Variants in FAM186A observed in about 807,000 individuals in gnomAD.
FAM186A encodes family with sequence similarity 186 member A, also known as protein FAM186A.
In FAM186A, 163 loss-of-function variants were observed where a neutral mutation model predicts 216.8. The observed-to-expected ratio is 0.75, with a 90% CI of 0.66 to 0.86. The LOEUF (loss-of-function observed/expected upper bound fraction) is 0.86, where lower values mean the gene tolerates loss of function less well. FAM186A is among the 40% of genes least tolerant of loss of function. The pLI is 0.00. For synonymous variants in FAM186A, 805 were observed against 1,025.3 expected (o/e 0.79, Z 4.10); for missense variants, 2,184 against 2,746.2 (o/e 0.80, Z 4.58).
chr12:50,341,883 A>C (rs879295977), intron 4 of FAM186A, among the ~76,000 whole-genome samples: 4 of 152,068 alleles, frequency 2.6e-5, no homozygotes, highest in Non-Finnish European at 5.9e-5. Context: ...CTCCCTTCAA[A>C]AAGTACTAAG....
In FAM186A at chr12:50,379,225, G is replaced by A. The variant is rs1943230044; in HGVS notation, c.193-15861C>T. Among the ~76,000 whole-genome samples, 3 of 152,120 alleles carry A rather than the reference G, an allele frequency of 2.0e-5. No homozygotes were observed. The South Asian group carries it at 6.2e-4, about 32-fold the overall frequency. ...GGAGGCCGAGGTGGGTGGATCATAA[G>A]GTCAGGAGATCGAGACCCTCCTACC... is the stretch of plus-strand genomic sequence containing the variant. On this transcript the variant is annotated intron_variant, in intron 1 of 7. Transcript: ENST00000327337.
chr12:50,366,709 T>TAAA (rs34350421), intron 1 of FAM186A, among the ~76,000 whole-genome samples: 1,677 of 141,172 alleles, frequency 0.012, 39 homozygotes, highest in African/African-American at 0.042. Context: ...CTTTCATTAT[T>TAAA]AAAAAAAAAA....
chr12:50,338,136 T>C (rs756714133), intron 4 of FAM186A, among the ~76,000 whole-genome samples: 12 of 152,214 alleles, frequency 7.9e-5, no homozygotes, highest in Non-Finnish European at 1.3e-4. Context: ...ATGGTAATAC[T>C]ACTACTGTAC....
intron 4 of FAM186A, 115 bp downstream of exon 4, chr12:50,350,214 G>A: frequency 1.1e-6 from 1 of 938,774 alleles, no homozygotes; most frequent in East Asian, 2.7e-5. Flanking sequence ...CCTTATATAA[G>A]GCAGTCCTTT....
intron 4 of FAM186A, among the ~76,000 whole-genome samples, chr12:50,341,189 A>C (rs1942759458): frequency 6.6e-6 from 1 of 152,226 alleles, no homozygotes; most frequent in African/African-American, 2.4e-5. Context: ...ATATTTTAGC[A>C]CTTAAATGTA....
At position 50,353,378 on chromosome 12, in the gene FAM186A, C is replaced by A; in HGVS notation, c.3454G>T (p.Asp1152Tyr). The change falls in exon 4 of 8, where the codon GAC (aspartate) becomes TAC (tyrosine). Residue 1152 changes from aspartate to tyrosine, a missense_variant. Transcript: ENST00000327337. ...GTGAGAGAGATCCCCGGGGCCTGGT[C>A]CTGCTGAGGGGTGAGAGTGATCCCT... ...VQGITLTPQQ[D>Y]QAPGISLTTQ... 6.5e-7 allele frequency: 1 copy of A among 1,534,176 alleles called. No individual in the cohort carries two copies. The highest frequency in any genetic ancestry group is 1.2e-5 in the South Asian group (1 of 82,054).
At chr12:50,364,000 G>T (rs1262570610) in intron 1 of FAM186A, among the ~76,000 whole-genome samples, 1 of 152,040 alleles carries the variant, frequency 6.6e-6, no homozygotes, top group East Asian at 1.9e-4. Context: ...ATTTTTTACG[G>T]ATGTAATTAC....
At chr12:50,395,991 C>A (rs952155445) in intron 1 of FAM186A, among the ~76,000 whole-genome samples, 1 of 151,596 alleles carries the variant, frequency 6.6e-6, no homozygotes, top group South Asian at 2.1e-4. Context: ...CTTGAACTCC[C>A]GACCTCAGTG....
At chr12:50,375,657 C>T (rs1308509920) in intron 1 of FAM186A, among the ~76,000 whole-genome samples, 2 of 144,090 alleles carry the variant, frequency 1.4e-5, no homozygotes, top group African/African-American at 5.2e-5. Flanking sequence ...GCAGAGATTG[C>T]AGTGAGCCGA....
At position 50,352,883 on chromosome 12, in the gene FAM186A, G is replaced by A. The variant is rs1942916204; in HGVS notation, c.3949C>T (p.Pro1317Ser). The change falls in exon 4 of 8, where the codon CCT becomes TCT. Residue 1317 changes from proline (P) to serine (S), a missense_variant. Transcript: ENST00000327337. ...ATCCCCAGGGCCTGCGCCTGCTGAGGGGTGAAAGGGATCCCCAGAGCCTGT... is the reference window on the plus strand; with the variant it reads ...ATCCCCAGGGCCTGCGCCTGCTGAGAGGTGAAAGGGATCCCCAGAGCCTGT... ...QAQALGIPFT[P>S]QQAQALGIPL... 1.3e-6 allele frequency: 2 copies of A among 1,537,106 alleles called. No individual in the cohort carries two copies. The highest frequency in any genetic ancestry group is 1.8e-6 in the Non-Finnish European group (2 of 1,139,216).
intron 1 of FAM186A, among the ~76,000 whole-genome samples, chr12:50,393,297 C>G (rs1052510994): frequency 6.6e-6 from 1 of 151,882 alleles, no homozygotes; most frequent in Non-Finnish European, 1.5e-5. Flanking sequence ...TAGCACTTTG[C>G]GAGGCCGAGG....
At position 50,350,415 on chromosome 12, in the gene FAM186A, G is replaced by A. The variant is rs1200227088; in HGVS notation, c.6417C>T (p.Leu2139=). ...TGTCCATATGAAGTATCTCAATTAT[G>A]AGAGTCCTAGCCATTGTGTGTAGCT... is the stretch of plus-strand genomic sequence containing the variant. The part of the protein sequence containing the change: ...PSQLHTMART[L]IIEILHMDTV... The change falls in exon 4 of 8, where the codon CTC becomes CTT. Residue 2139 remains leucine (L), a synonymous_variant. Coordinates refer to ENST00000327337, the MANE Select transcript of FAM186A (RefSeq NM_001145475.3). 6.4e-7 allele frequency: 1 copy of A among 1,551,384 alleles called. No individual in the cohort carries two copies. Among genetic ancestry groups the A allele is most frequent in the Non-Finnish European group, 8.7e-7 (1 of 1,146,944 alleles).
At chr12:50,348,845 C>T (rs1592605579) in intron 4 of FAM186A, among the ~76,000 whole-genome samples, 1 of 152,130 alleles carries the variant, frequency 6.6e-6, no homozygotes, top group Non-Finnish European at 1.5e-5. Context: ...TGTGAGCAAC[C>T]ACGCGTGGCC....
At chr12:50,395,169 G>A (rs957395907) in intron 1 of FAM186A, among the ~76,000 whole-genome samples, 1 of 152,128 alleles carries the variant, frequency 6.6e-6, no homozygotes, top group Middle Eastern at 3.2e-3. Flanking sequence ...TGCAAGCATG[G>A]TGCTCACTGC....
intron 1 of FAM186A, among the ~76,000 whole-genome samples, 174 bp from the exon 2 acceptor site, chr12:50,363,538 T>G (rs935275058): frequency 6.6e-6 from 1 of 152,184 alleles, no homozygotes; most frequent in Admixed American, 6.6e-5. Context: ...AATTCCTTTT[T>G]CTGCCTTCAT....
rs559250784 is a variant in FAM186A, at chr12:50,365,580, G to A, written c.193-2216C>T. 7.6e-4 allele frequency: 352 copies of A among 463,094 alleles called. 1 individual carries two copies. The highest frequency in any genetic ancestry group is 4.1e-3 in the Middle Eastern group (11 of 2,696). The allele number at this position is 463,094 out of a possible 1,614,324, so 28.7% of individuals were successfully genotyped here. On this transcript the variant is annotated intron_variant, in intron 1 of 7. Coordinates refer to ENST00000327337, the MANE Select transcript of FAM186A (RefSeq NM_001145475.3). The stretch of plus-strand genomic sequence containing the variant: ...ACAAACTGAACTTTCTCTACAGTCC[G>A]TATAATAAGAGTAAGATAAGTGTGT...
chr12:50,394,661 A>G (rs1476939925), intron 1 of FAM186A, among the ~76,000 whole-genome samples: 2 of 149,010 alleles, frequency 1.3e-5, no homozygotes, highest in African/African-American at 5.0e-5. Context: ...TCCAGGACTC[A>G]AGCGATCCTC....
At chr12:50,383,278 A>AAAAAAAG (rs1555218962) in intron 1 of FAM186A, among the ~76,000 whole-genome samples, 17 of 49,244 alleles carry the variant, frequency 3.5e-4, no homozygotes, top group South Asian at 1.1e-3. Context: ...AAAAAAAAAA[A>AAAAAAAG]AGAGAGAGAG....
intron 1 of FAM186A, among the ~76,000 whole-genome samples, chr12:50,394,730 C>CTTTTTTTTTTTTTT (rs1943396117): frequency 2.0e-5 from 1 of 51,002 alleles, no homozygotes; most frequent in Non-Finnish European, 3.2e-5. Flanking sequence ...CTGGCTAACA[C>CTTTTTTTTTTTTTT]TCTTTTTTTT....
Sources: allele counts gnomAD v4.1 joint callset (sites outside exome capture counted in the v4.1 genomes callset), GRCh38; gene constraint gnomAD v4.1.1; transcripts MANE v1.5; gene names NCBI Gene and HGNC (gene_info 2026-07-23, HGNC 2026-07-21).